C14orf39: variants seen among roughly 807,000 people sequenced by gnomAD.
C14orf39 encodes protein SIX6OS1.
C14orf39 carries 66 observed loss-of-function variants against 85.6 expected under a neutral mutation model. That is an observed-to-expected ratio of 0.77 (90% CI 0.63 to 0.95). C14orf39 has a LOEUF of 0.95. Ranked by LOEUF, C14orf39 falls within the 40% of genes least tolerant of loss-of-function variation. The pLI is 0.00. For synonymous variants in C14orf39, 242 were observed against 214.0 expected, an observed-to-expected ratio of 1.13 and a Z score of -1.14; for missense variants, 735 against 663.9, an observed-to-expected ratio of 1.11 and a Z score of -1.18.
At chr14:60,482,583 T>A (rs1892688651) in intron 4 of C14orf39, among the ~76,000 whole-genome samples, 1 of 152,224 alleles carries the variant, frequency 6.6e-6, no homozygotes, top group Non-Finnish European at 1.5e-5. Context: ...AATGTTTAAA[T>A]GTGCATACTC....
At chr14:60,497,750 C>T (rs1431570019) in intron 2 of C14orf39, among the ~76,000 whole-genome samples, 2 of 151,980 alleles carry the variant, frequency 1.3e-5, no homozygotes, top group Admixed American at 6.5e-5. Context: ...GGCATGGTGG[C>T]GGGCGACTGT....
At position 60,491,397 on chromosome 14, in the gene C14orf39, T is replaced by C. The variant is rs1369365152; in HGVS notation, c.-8-6311A>G. Reference sequence around the variant, plus strand: ...ACTAAGCCCTCATCACGCCTCTTAATACTATTACATTAGGGATTAAGTTTC... The same window carrying C: ...ACTAAGCCCTCATCACGCCTCTTAACACTATTACATTAGGGATTAAGTTTC... On this transcript the variant is annotated intron_variant, in intron 2 of 5. Transcript: ENST00000556799. The surrounding 1 kb of genome is among the most constrained non-coding windows in gnomAD (Gnocchi z 4.5). Among the ~76,000 whole-genome samples, 6 of 152,194 alleles carry C rather than the reference T, an allele frequency of 3.9e-5. No homozygotes were observed. The highest frequency in any genetic ancestry group is 7.3e-5 in the Non-Finnish European group (5 of 68,038).
intron 4 of C14orf39, among the ~76,000 whole-genome samples, chr14:60,482,837 G>A (rs1892699841): frequency 6.6e-6 from 1 of 151,390 alleles, no homozygotes; most frequent in Non-Finnish European, 1.5e-5. Flanking sequence ...GCAGAATGAA[G>A]TGAGTCCATT....
At position 60,477,654 on chromosome 14, in the gene C14orf39, C is replaced by T. The variant is rs552932126; in HGVS notation, c.323+646G>A. Among the ~76,000 whole-genome samples the T allele has an allele frequency of 5.3e-5, 8 of 152,154 alleles. No homozygotes were observed. In the South Asian group the frequency reaches 1.5e-3, roughly 28 times the overall value. ...TAAAATACCATTCAGAAATCAATAT[C>T]CCAAATTTGTTATAAGCTAATTCTA... On this transcript the variant is annotated intron_variant, in intron 5 of 17. Transcript: ENST00000321731.
intron 16 of C14orf39, among the ~76,000 whole-genome samples, chr14:60,452,693 G>C (rs1891092958): frequency 6.6e-6 from 1 of 152,044 alleles, no homozygotes; most frequent in Admixed American, 6.6e-5. Flanking sequence ...TGAGGGGATG[G>C]ATACTCTCCC....
chr14:60,438,748 G>A (rs1045828746), intron 17 of C14orf39, among the ~76,000 whole-genome samples: 2 of 152,112 alleles, frequency 1.3e-5, no homozygotes, highest in Non-Finnish European at 2.9e-5. Context: ...TTTTATGGAA[G>A]AGAATTCTAT....
At chr14:60,467,849 A>G (rs925615480) in intron 9 of C14orf39, among the ~76,000 whole-genome samples, 1 of 151,702 alleles carries the variant, frequency 6.6e-6, no homozygotes, top group African/African-American at 2.4e-5. Flanking sequence ...GAAAAAGGAT[A>G]TAAGTAGGGG....
rs1276719500 is a variant in C14orf39 at position 60,458,692 on chromosome 14, T to C, written c.1165A>G (p.Lys389Glu). ...ATTTGACTTACTTGTGAAGTACATTTTGATTCTCTTACTTGTCTTACTGTC... is the reference window on the plus strand; with the variant it reads ...ATTTGACTTACTTGTGAAGTACATTCTGATTCTCTTACTTGTCTTACTGTC... ...KGTVRQVRES[K>E]CTSQAIYTEH... Residue 389 changes from lysine (K) to glutamate (E), a missense_variant, in exon 14 of 18, where the codon AAA becomes GAA. Transcript: ENST00000321731. The C allele has an allele frequency of 6.2e-7, 1 of 1,602,890 alleles. No individual in the cohort carries two copies. Among genetic ancestry groups the C allele is most frequent in the Non-Finnish European group, 8.5e-7 (1 of 1,174,062 alleles).
Position 60,483,689 on chromosome 14 carries a change from A to C in C14orf39, c.233+2T>G. ...TGAAAATTGATTCTTTCAAATACTCACTTTCTACAGTTGTCTTTAATCTCC... is the reference window on the plus strand; with the variant it reads ...TGAAAATTGATTCTTTCAAATACTCCCTTTCTACAGTTGTCTTTAATCTCC... On this transcript the variant is annotated splice_donor_variant, in intron 4 of 17. Coordinates refer to ENST00000321731, the MANE Select transcript of C14orf39 (RefSeq NM_174978.3). LOFTEE classifies it high-confidence loss of function. 1 of 1,577,872 alleles carries C rather than the reference A, an allele frequency of 6.3e-7. No individual in the cohort carries two copies. The highest frequency in any genetic ancestry group is 8.6e-7 in the Non-Finnish European group (1 of 1,165,708).
rs528689115 is a variant in C14orf39 at position 60,464,392 on chromosome 14, G to C, written c.972+1587C>G. ...GCTATTATTTCACTGGTTTGGTTTTGTATTATTTCACATGTAGCCAAACTC... is the reference window on the plus strand; with the variant it reads ...GCTATTATTTCACTGGTTTGGTTTTCTATTATTTCACATGTAGCCAAACTC... On this transcript the variant is annotated intron_variant, in intron 11 of 17. Coordinates refer to ENST00000321731, the MANE Select transcript of C14orf39 (RefSeq NM_174978.3). 1.5e-3 allele frequency among the ~76,000 whole-genome samples: 231 copies of C among 152,194 alleles called. 3 individuals carry two copies. The highest frequency in any genetic ancestry group is 3.0e-3 in the Non-Finnish European group (205 of 67,978).
intron 5 of C14orf39, among the ~76,000 whole-genome samples, chr14:60,475,178 T>A (rs1025881480): frequency 1.5e-4 from 23 of 152,328 alleles, no homozygotes; most frequent in Non-Finnish European, 3.1e-4. Flanking sequence ...ATTTTCTAGT[T>A]TATTTGCATA....
chr14:60,463,141 T>C (rs1845375198), intron 11 of C14orf39, among the ~76,000 whole-genome samples: 1 of 152,158 alleles, frequency 6.6e-6, no homozygotes, highest in African/African-American at 2.4e-5. Flanking sequence ...GCTAACCTGA[T>C]AGGTAAAACC....
chr14:60,439,399 C>T (rs574316498), intron 17 of C14orf39, among the ~76,000 whole-genome samples: 2 of 152,008 alleles, frequency 1.3e-5, no homozygotes, highest in East Asian at 3.9e-4. Flanking sequence ...TCCAGGTGAA[C>T]AGTAAGACTG....
chr14:60,479,361 A>G (rs553505147), intron 4 of C14orf39, among the ~76,000 whole-genome samples: 65 of 152,268 alleles, frequency 4.3e-4, no homozygotes, highest in African/African-American at 1.5e-3. Flanking sequence ...TGTCATAAAT[A>G]CTCATGGTCA....
rs552589771 is a variant in C14orf39 at position 60,500,176 on chromosome 14, C to T, written c.-143-746G>A. Reference sequence around the variant, plus strand: ...CCAGATAGCTGGGATTACAAGCATGCGCCACCACACCTGGATAATTTTGTA... The same window carrying T: ...CCAGATAGCTGGGATTACAAGCATGTGCCACCACACCTGGATAATTTTGTA... On this transcript the variant is annotated intron_variant, in intron 1 of 5. Transcript: ENST00000556799. Among the ~76,000 whole-genome samples the T allele has an allele frequency of 7.2e-5, 11 of 152,150 alleles. No individual in the cohort carries two copies. In the South Asian group the frequency reaches 1.2e-3, roughly 17 times the overall value.
intron 9 of C14orf39, 130 bp downstream of exon 9, chr14:60,468,315 G>T: frequency 2.1e-6 from 1 of 467,948 alleles, no homozygotes. Context: ...GAAATTAATA[G>T]AAAATAGCCT....
chr14:60,456,210 G>C (rs1396321743), intron 15 of C14orf39, among the ~76,000 whole-genome samples: 1 of 152,018 alleles, frequency 6.6e-6, no homozygotes, highest in Non-Finnish European at 1.5e-5. Context: ...TAAACATAAA[G>C]GTTAAGTGCA....
In C14orf39 at chr14:60,472,470, A is replaced by G. The variant is rs1892140722; in HGVS notation, c.324-731T>C. 2.6e-5 allele frequency among the ~76,000 whole-genome samples: 4 copies of G among 152,142 alleles called. No homozygotes were observed. In the South Asian group the frequency reaches 8.3e-4, roughly 31 times the overall value. ...CAACGTGCAGGTTTGTTACATATGT[A>G]TACATGTGCCATGTTGGTGTGCTGC... is the stretch of plus-strand genomic sequence containing the variant. On this transcript the variant is annotated intron_variant, in intron 5 of 17. Transcript: ENST00000321731.
chr14:60,456,528 C>T (rs1176572072), intron 15 of C14orf39, among the ~76,000 whole-genome samples: 1 of 151,324 alleles, frequency 6.6e-6, no homozygotes, highest in Admixed American at 6.6e-5. Flanking sequence ...ATAGCTGGGA[C>T]TACAGGCACA....
Sources: gnomAD v4.1 joint callset for allele counts (sites outside exome capture counted in the v4.1 genomes callset) on GRCh38, gnomAD v4.1.1 for gene constraint, Gnocchi (gnomAD v3.1) non-coding constraint, MANE v1.5 for transcripts, NCBI Gene and HGNC (gene_info 2026-07-23, HGNC 2026-07-21) for gene names.